The following RELL1 variants were observed in gnomAD, a reference collection of about 807,000 sequenced individuals.
RELL1 encodes RELT like 1, also known as RELT-like protein 1.
RELL1 carries 10 observed loss-of-function variants against 23.0 expected under a neutral mutation model. That is an observed-to-expected ratio of 0.43 (90% CI 0.27 to 0.74). RELL1 has a LOEUF of 0.74. RELL1 is among the 30% of genes least tolerant of loss of function. The pLI is 0.19. For missense variants in RELL1, 315 were observed against 364.4 expected (o/e 0.86, Z 1.10); for synonymous variants, 146 against 146.8 (o/e 0.99, Z 0.04).
downstream of RELL1, among the ~76,000 whole-genome samples, chr4:37,606,826 A>G (rs774126777): frequency 1.3e-5 from 2 of 152,246 alleles, no homozygotes; most frequent in Non-Finnish European, 2.9e-5. This position sits in a 1 kb window ranked among gnomAD's most constrained non-coding sequence, Gnocchi z 4.1. Flanking sequence ...TTAAGCAGAA[A>G]TAAGATATTG....
Position 37,612,803 on chromosome 4 carries a change from A to G in RELL1, c.*543T>C, listed in dbSNP as rs1719451085. ...GAATCAACTCCTCAGGGCTAACTAG[A>G]TTATTTCCACTGAGCTTTTACCACT... On this transcript the variant is annotated 3_prime_UTR_variant, in exon 7 of 7. Coordinates refer to ENST00000454158, the MANE Select transcript of RELL1 (RefSeq NM_001085400.2). 1 of 152,132 alleles carries G rather than the reference A, an allele frequency of 6.6e-6. No individual in the cohort carries two copies. Among genetic ancestry groups the G allele is most frequent in the Non-Finnish European group, 1.5e-5 (1 of 68,046 alleles). 9.4% of individuals were successfully genotyped at this position (152,132 alleles called of 1,614,324 possible).
intron 6 of RELL1, among the ~76,000 whole-genome samples, chr4:37,604,866 GACACACACACACAT>G (rs1719134212): frequency 1.8e-5 from 1 of 56,804 alleles, no homozygotes; most frequent in Non-Finnish European, 4.4e-5. Flanking sequence ...CACACACACA[GACACACACACACAT>G]ACACACAGAC....
In RELL1 at chr4:37,656,653, G is replaced by T. The variant is rs10011720; in HGVS notation, c.89-7153C>A. On this transcript the variant is annotated intron_variant, in intron 1 of 6. Transcript: ENST00000454158. ...CCTTTAAGAAGTGCTTGGGTCTTGG[G>T]GACTCCACGCTCATAAAGGAGTTAA... 7.0e-3 allele frequency among the ~76,000 whole-genome samples: 1,062 copies of T among 152,270 alleles called. 14 individuals carry two copies. The highest frequency in any genetic ancestry group is 0.024 in the African/African-American group (994 of 41,538).
intron 6 of RELL1, among the ~76,000 whole-genome samples, chr4:37,594,872 C>G (rs928666669): frequency 6.6e-6 from 1 of 152,176 alleles, no homozygotes; most frequent in African/African-American, 2.4e-5. Context: ...GTGCAAAGAT[C>G]TCCTGACTTC....
chr4:37,651,984 C>A (rs910517615), intron 1 of RELL1, among the ~76,000 whole-genome samples: 19 of 152,214 alleles, frequency 1.2e-4, no homozygotes, highest in African/African-American at 4.6e-4. Context: ...AGCACGCCAG[C>A]GTGGCCAAGC....
chr4:37,590,692 G>A (rs746826637), downstream of RELL1: 7 of 1,614,072 alleles, frequency 4.3e-6, no homozygotes, highest in East Asian at 2.2e-5. Flanking sequence ...GAACCATACT[G>A]AGGATGAATC....
intron 6 of RELL1, among the ~76,000 whole-genome samples, chr4:37,620,856 T>A (rs1004639981): frequency 6.6e-6 from 1 of 152,228 alleles, no homozygotes. Context: ...TGATCCGATA[T>A]AGTAATTTAA....
At chr4:37,604,798 G>GACACACACACACAGACACACAC (rs368655689) in intron 6 of RELL1, among the ~76,000 whole-genome samples, 1 of 116,352 alleles carries the variant, frequency 8.6e-6, no homozygotes. Flanking sequence ...CACACACACA[G>GACACACACACACAGACACACAC]ACACACACAC....
At chr4:37,646,684 A>G (rs575647616) in intron 3 of RELL1, among the ~76,000 whole-genome samples, 1 of 152,304 alleles carries the variant, frequency 6.6e-6, no homozygotes, top group South Asian at 2.1e-4. Context: ...TATGTGTGCT[A>G]TGTCCCAACA....
At chr4:37,669,359 T>G (rs1432326903) in intron 1 of RELL1, among the ~76,000 whole-genome samples, 5 of 91,550 alleles carry the variant, frequency 5.5e-5, no homozygotes, top group African/African-American at 8.4e-5. Context: ...GGGAGGGAGG[T>G]GGGGGGGTCA....
chr4:37,628,213 G>A (rs548153477), intron 6 of RELL1, among the ~76,000 whole-genome samples: 4 of 152,220 alleles, frequency 2.6e-5, no homozygotes, highest in Admixed American at 6.5e-5. Flanking sequence ...GGACCTGCTC[G>A]TCTTGGACCC....
At chr4:37,608,071 A>G (rs1719277487), downstream of RELL1, among the ~76,000 whole-genome samples, 1 of 152,200 alleles carries the variant, frequency 6.6e-6, no homozygotes, top group Non-Finnish European at 1.5e-5. Context: ...GCCCACATAA[A>G]ATGACAAACT....
chr4:37,587,498 T>A (rs924120229), downstream of RELL1, among the ~76,000 whole-genome samples: 4 of 152,174 alleles, frequency 2.6e-5, no homozygotes, highest in African/African-American at 9.7e-5. Flanking sequence ...TCATATTCAC[T>A]GTGGACAAAA....
chr4:37,685,275 G>C (rs1042056729), intron 1 of RELL1, among the ~76,000 whole-genome samples: 2 of 152,158 alleles, frequency 1.3e-5, no homozygotes, highest in Non-Finnish European at 2.9e-5. Flanking sequence ...CTGAAATCAA[G>C]CTTGGAAGAG....
At chr4:37,660,277 C>G (rs1036638465) in intron 1 of RELL1, among the ~76,000 whole-genome samples, 1 of 151,942 alleles carries the variant, frequency 6.6e-6, no homozygotes, top group Admixed American at 6.6e-5. Context: ...CCTCAGTTTC[C>G]TCATCTAAAA....
At chr4:37,596,897 C>T (rs577033164) in intron 6 of RELL1, among the ~76,000 whole-genome samples, 24 of 150,920 alleles carry the variant, frequency 1.6e-4, no homozygotes, top group South Asian at 8.4e-4. Context: ...TACAGGCACG[C>T]GCCACCACGC....
At chr4:37,628,375 C>A (rs1351702103) in intron 6 of RELL1, among the ~76,000 whole-genome samples, 1 of 152,096 alleles carries the variant, frequency 6.6e-6, no homozygotes, top group Non-Finnish European at 1.5e-5. Context: ...CTATAGACTG[C>A]CGTGGCGAGG....
At chr4:37,600,780 C>CGTGCGTGTGT (rs1553871084) in intron 6 of RELL1, among the ~76,000 whole-genome samples, 2 of 147,680 alleles carry the variant, frequency 1.4e-5, no homozygotes, top group African/African-American at 5.0e-5. Context: ...TGGATTTGTG[C>CGTGCGTGTGT]GTGTGTGTGT....
intron 6 of RELL1, among the ~76,000 whole-genome samples, chr4:37,598,070 T>G (rs1211465426): frequency 1.4e-4 from 12 of 85,254 alleles, no homozygotes; most frequent in African/African-American, 6.6e-4. Context: ...GTAATATATA[T>G]ATATCATAAT....
Sources: allele counts gnomAD v4.1 joint callset (sites outside exome capture counted in the v4.1 genomes callset), GRCh38; gene constraint gnomAD v4.1.1; non-coding constraint Gnocchi (gnomAD v3.1); transcripts MANE v1.5; gene names NCBI Gene and HGNC (gene_info 2026-07-23, HGNC 2026-07-21).